ZC3H7B: variants seen among roughly 807,000 people sequenced by gnomAD.
ZC3H7B encodes the protein zinc finger CCCH-type containing 7B, also known as zinc finger CCCH domain-containing protein 7B.
In ZC3H7B, 35 loss-of-function variants were observed where a neutral mutation model predicts 116.0. The observed-to-expected ratio is 0.30, with a 90% CI of 0.23 to 0.40. The LOEUF (loss-of-function observed/expected upper bound fraction) is 0.40, where lower values mean the gene tolerates loss of function less well. Among genes scored for constraint, ZC3H7B ranks in the 10% least tolerant of loss-of-function variants. The pLI is 1.00. For missense variants in ZC3H7B, 1,011 were observed against 1,321.5 expected (o/e 0.77, Z 3.64); for synonymous variants, 502 against 545.6 (o/e 0.92, Z 1.11).
In ZC3H7B at chr22:41,322,194, T is replaced by G. The variant is rs570504261; in HGVS notation, c.53+1481T>G. Among the ~76,000 whole-genome samples the G allele has an allele frequency of 6.0e-5, 9 of 151,140 alleles. No homozygotes were observed. In the South Asian group the frequency reaches 1.9e-3, roughly 32 times the overall value. The stretch of plus-strand genomic sequence containing the variant: ...TGAGCACCCACATGCCACACTTTTT[T>G]TTTGTTTGTTTTTGAGATGGAGTCT... On this transcript the variant is annotated intron_variant, in intron 2 of 22. Coordinates refer to ENST00000352645, the MANE Select transcript of ZC3H7B (RefSeq NM_017590.6).
chr22:41,313,264 G>A (rs1282136731), intron 1 of ZC3H7B, among the ~76,000 whole-genome samples: 3 of 151,722 alleles, frequency 2.0e-5, no homozygotes, highest in African/African-American at 7.3e-5. Flanking sequence ...GACTACAGGC[G>A]CCCGCCACCA....
intron 1 of ZC3H7B, 31 bp from the exon 2 acceptor site, chr22:41,320,620 GCTGA>G (rs764883180): frequency 4.3e-6 from 7 of 1,613,240 alleles, no homozygotes; most frequent in Non-Finnish European, 5.9e-6. Flanking sequence ...CCTGGCTCTT[GCTGA>G]CTGACTGATG....
intron 1 of ZC3H7B, among the ~76,000 whole-genome samples, chr22:41,311,011 C>T (rs1023024734): frequency 7.3e-5 from 11 of 151,670 alleles, no homozygotes; most frequent in Admixed American, 3.3e-4. Flanking sequence ...GTGATCTGCC[C>T]GCCTCGGCCT....
chr22:41,345,983 G>GT lies in ZC3H7B; in HGVS notation c.1460-19dup, dbSNP rs775146319. On this transcript the variant is annotated intron_variant, in intron 13 of 22. Transcript: ENST00000352645. ...GCTATCCCCGCCTGGCGGAACGTGT[G>GT]TCCTGTTGCCTCTTTGCAGACATGA... 2 of 1,613,784 alleles carry GT rather than the reference G, an allele frequency of 1.2e-6. No homozygotes were observed. The highest frequency in any genetic ancestry group is 1.7e-6 in the Non-Finnish European group (2 of 1,179,878).
intron 10 of ZC3H7B, 144 bp from the exon 11 acceptor site, chr22:41,340,944 T>TA (rs2036515265): frequency 1.5e-6 from 1 of 685,680 alleles, no homozygotes; most frequent in South Asian, 2.2e-5. Context: ...GAGGAGAGGA[T>TA]AGAGTCAGGG....
chr22:41,311,245 C>T (rs545631362), intron 1 of ZC3H7B, among the ~76,000 whole-genome samples: 1 of 151,522 alleles, frequency 6.6e-6, no homozygotes, highest in Non-Finnish European at 1.5e-5. Context: ...GTTGAGGGTC[C>T]GAGAGGTGGC....
At chr22:41,328,174 C>G (rs1359618300) in intron 5 of ZC3H7B, among the ~76,000 whole-genome samples, 1 of 151,730 alleles carries the variant, frequency 6.6e-6, no homozygotes, top group Non-Finnish European at 1.5e-5. Flanking sequence ...TCCCCTGACC[C>G]ATATAGCATT....
Position 41,349,646 on chromosome 22 carries a change from C to T in ZC3H7B, c.1948+345C>T, listed in dbSNP as rs2036632951. 6.6e-6 allele frequency among the ~76,000 whole-genome samples: 1 copy of T among 152,196 alleles called. No individual in the cohort carries two copies. The highest frequency in any genetic ancestry group is 6.5e-5 in the Admixed American group (1 of 15,280). The stretch of plus-strand genomic sequence containing the variant: ...GGGTGGTCGGCAGCAAGTCCCCGCT[C>T]CTCACTGAGCCTCCAGTGCTCATCT... On this transcript the variant is annotated intron_variant, in intron 16 of 22. Transcript: ENST00000352645. The surrounding 1 kb of genome is among the most constrained non-coding windows in gnomAD (Gnocchi z 4.9).
chr22:41,336,393 G>C (rs926413579), intron 7 of ZC3H7B: 1 of 152,266 alleles, frequency 6.6e-6, no homozygotes, highest in Non-Finnish European at 1.5e-5. Flanking sequence ...GCTGGGCGCG[G>C]TGGCTCACAC....
At chr22:41,314,284 G>A (rs1296666188) in intron 1 of ZC3H7B, among the ~76,000 whole-genome samples, 5 of 151,608 alleles carry the variant, frequency 3.3e-5, no homozygotes, top group Non-Finnish European at 5.9e-5. Flanking sequence ...AGCCTCCCGA[G>A]TAGTTGGGAC....
intron 2 of ZC3H7B, among the ~76,000 whole-genome samples, chr22:41,323,003 T>C (rs1569233820): frequency 6.6e-6 from 1 of 152,240 alleles, no homozygotes; most frequent in Non-Finnish European, 1.5e-5. Context: ...GTATCCATGC[T>C]GCTCTCACAG....
intron 1 of ZC3H7B, among the ~76,000 whole-genome samples, chr22:41,319,648 A>AT (rs972599153): frequency 6.7e-6 from 1 of 149,250 alleles, no homozygotes; most frequent in Non-Finnish European, 1.5e-5. Flanking sequence ...CTATCTTATT[A>AT]TTTTTTCTTA....
chr22:41,332,328 G>T, intron 7 of ZC3H7B, 101 bp downstream of exon 7: 2 of 1,393,912 alleles, frequency 1.4e-6, no homozygotes, highest in Non-Finnish European at 2.0e-6. Flanking sequence ...GGGTCCAGGG[G>T]CCTCCGCCTC....
Position 41,357,290 on chromosome 22 carries a change from A to G in ZC3H7B, c.2795A>G (p.Lys932Arg). 2.5e-6 allele frequency: 4 copies of G among 1,613,828 alleles called. No homozygotes were observed. In the South Asian group the frequency reaches 3.3e-5, roughly 13 times the overall value. Reference sequence around the variant, plus strand: ...GAGGTGCTGAAGCAGAAGTTGGCCAAGGCTCGCAAGGACATGCTGCTGTGC... The same window carrying G: ...GAGGTGCTGAAGCAGAAGTTGGCCAGGGCTCGCAAGGACATGCTGCTGTGC... ...RREVLKQKLA[K>R]ARKDMLLCPR... Residue 932 changes from lysine (K) to arginine (R), a missense_variant, in exon 23 of 23, where the codon AAG becomes AGG. Physicochemically the swap from Lys to Arg is conservative, Grantham distance 26 (BLOSUM62 2). This residue lies in a region of ZC3H7B where 406 missense variants were observed against 590.2 expected (regional missense o/e 0.69). Transcript: ENST00000352645. This position sits in a 1 kb window ranked among gnomAD's most constrained non-coding sequence, Gnocchi z 5.4.
intron 1 of ZC3H7B, among the ~76,000 whole-genome samples, chr22:41,304,483 C>G (rs1466783921): frequency 6.6e-6 from 1 of 152,136 alleles, no homozygotes; most frequent in East Asian, 1.9e-4. Flanking sequence ...TGCTGTGGGG[C>G]AGGTTTGCAA....
intron 2 of ZC3H7B, among the ~76,000 whole-genome samples, chr22:41,321,436 A>G (rs1003227144): frequency 2.6e-5 from 4 of 151,810 alleles, no homozygotes; most frequent in African/African-American, 9.7e-5. Context: ...GGCTGCCTTG[A>G]ACTCCTGGCC....
At chr22:41,354,937 C>A (rs538291481) in intron 17 of ZC3H7B, among the ~76,000 whole-genome samples, 149 of 152,304 alleles carry the variant, frequency 9.8e-4, no homozygotes, top group Admixed American at 2.2e-3. Flanking sequence ...GGGGTGGCTT[C>A]CCATCTCCTG....
rs144266554 is a variant in ZC3H7B at position 41,319,309 on chromosome 22, A to G, written c.-6-1346A>G. ...CTAGCTACTCAGGAGGCTGAGGCAG[A>G]AGAATCGCTTGAACCCGGGAGGTGG... On this transcript the variant is annotated intron_variant, in intron 1 of 22. Coordinates refer to ENST00000352645, the MANE Select transcript of ZC3H7B (RefSeq NM_017590.6). Among the ~76,000 whole-genome samples, 887 of 152,206 alleles carry G rather than the reference A, an allele frequency of 5.8e-3. 9 individuals are homozygous for G. The highest frequency in any genetic ancestry group is 0.02 in the African/African-American group (840 of 41,556).
chr22:41,309,933 C>T (rs907568287), intron 1 of ZC3H7B, among the ~76,000 whole-genome samples: 14 of 151,952 alleles, frequency 9.2e-5, no homozygotes, highest in African/African-American at 1.4e-4. Context: ...TGGCTGAGCA[C>T]GGTGGCTCAT....
Sources: allele counts gnomAD v4.1 joint callset (sites outside exome capture counted in the v4.1 genomes callset), GRCh38; gene constraint gnomAD v4.1.1; regional missense constraint gnomAD v4.1.1; non-coding constraint Gnocchi (gnomAD v3.1); transcripts MANE v1.5; gene names NCBI Gene and HGNC (gene_info 2026-07-23, HGNC 2026-07-21).